Variants in KIT observed in about 807,000 individuals in gnomAD.
KIT encodes mast/stem cell growth factor receptor Kit.
A neutral mutation model predicts 105.7 loss-of-function variants in KIT; 16 were observed. That is an observed-to-expected ratio of 0.15 (90% CI 0.10 to 0.23). The LOEUF is 0.23. Ranked by LOEUF, KIT falls within the 10% of genes least tolerant of loss-of-function variation. The probability of loss-of-function intolerance (pLI) is 1.00; values close to 1 mark genes in which losing one functional copy is unlikely to be tolerated. For synonymous variants in KIT, 438 were observed against 441.1 expected (o/e 0.99, Z 0.09); for missense variants, 858 against 1,213.8 (o/e 0.71, Z 4.36).
intron 9 of KIT, among the ~76,000 whole-genome samples, chr4:54,726,897 A>G (rs565019575): frequency 1.3e-5 from 2 of 151,710 alleles, no homozygotes; most frequent in South Asian, 4.1e-4. Context: ...TCTTTTTTTT[A>G]AAGTTGTACA....
At chr4:54,702,116 A>G (rs1006329465) in intron 4 of KIT, among the ~76,000 whole-genome samples, 4 of 152,166 alleles carry the variant, frequency 2.6e-5, no homozygotes, top group Non-Finnish European at 5.9e-5. Flanking sequence ...TCAGCAGTCA[A>G]CTTTTGTGTG....
intron 20 of KIT, 126 bp downstream of exon 20, chr4:54,737,406 G>A: frequency 1.4e-6 from 1 of 738,504 alleles, no homozygotes; most frequent in South Asian, 1.5e-5. Flanking sequence ...GTTGCAAATT[G>A]GGCTTCAGGT....
intron 1 of KIT, among the ~76,000 whole-genome samples, chr4:54,685,744 G>A (rs973924035): frequency 6.6e-6 from 1 of 152,210 alleles, no homozygotes; most frequent in African/African-American, 2.4e-5. Flanking sequence ...GACTCCACTA[G>A]TTCTGTGATA....
rs1313391823 is a variant in KIT at position 54,739,270 on chromosome 4, A to G, written c.*713A>G. On this transcript the variant is annotated 3_prime_UTR_variant, in exon 21 of 21. Coordinates refer to ENST00000288135, the MANE Select transcript of KIT (RefSeq NM_000222.3). ...TGTCCGTGTTCATACATTTGAGGGG[A>G]AAACACCATAAGGTTTCGTTTCTGT... The G allele has an allele frequency of 2.9e-5, 7 of 245,440 alleles. No individual in the cohort carries two copies. The highest frequency in any genetic ancestry group is 4.4e-5 in the African/African-American group (2 of 45,716). The allele number at this position is 245,440 out of a possible 1,614,324, so 15.2% of individuals were successfully genotyped here.
chr4:54,658,096 C>G lies in KIT; in HGVS notation c.67+15C>G. Reference sequence around the variant, plus strand: ...CGTCCAGACAGGTGGGACACCGCGGCTGGCACCCCGACCGTGCGACTACTC... The same window carrying G: ...CGTCCAGACAGGTGGGACACCGCGGGTGGCACCCCGACCGTGCGACTACTC... On this transcript the variant is annotated intron_variant, in intron 1 of 20. Transcript: ENST00000288135. 11 of 1,613,302 alleles carry G rather than the reference C, an allele frequency of 6.8e-6. No homozygotes were observed. Among genetic ancestry groups the G allele is most frequent in the Non-Finnish European group, 9.3e-6 (11 of 1,179,446 alleles).
In KIT at chr4:54,727,489, C is replaced by T. The variant is rs1307097576; in HGVS notation, c.1721C>T (p.Thr574Ile). The change falls in exon 11 of 21, where the codon ACA (threonine) becomes ATA (isoleucine). Residue 574 changes from threonine to isoleucine, a missense_variant. Around this residue, in one of 7 missense-constraint regions of KIT, gnomAD observed 78 missense variants for 77.6 expected, o/e 1.01. Coordinates refer to ENST00000288135, the MANE Select transcript of KIT (RefSeq NM_000222.3). The part of the protein sequence containing the change: ...NGNNYVYIDP[T>I]QLPYDHKWEF... ...AACAATTATGTTTACATAGACCCAA[C>T]ACAACTTCCTTATGATCACAAATGG... The T allele has an allele frequency of 2.5e-6, 4 of 1,613,986 alleles. No individual in the cohort carries two copies. In the African/African-American group the frequency reaches 5.3e-5, roughly 22 times the overall value.
chr4:54,713,829 A>G (rs1416635088), intron 7 of KIT, among the ~76,000 whole-genome samples: 5 of 152,216 alleles, frequency 3.3e-5, no homozygotes, highest in Non-Finnish European at 7.3e-5. Context: ...AAACACGTAT[A>G]TAACATGTTA....
At chr4:54,699,912 T>A in intron 4 of KIT, 146 bp downstream of exon 4, 1 of 785,164 alleles carries the variant, frequency 1.3e-6, no homozygotes, top group Non-Finnish European at 2.2e-6. Flanking sequence ...ATTGCATATT[T>A]CCCCCTTTCA....
chr4:54,718,301 A>G (rs956088416), intron 7 of KIT, among the ~76,000 whole-genome samples: 1 of 152,178 alleles, frequency 6.6e-6, no homozygotes, highest in Admixed American at 6.5e-5. Flanking sequence ...GGATTTCACC[A>G]TGTTGGCCAG....
At chr4:54,712,259 G>T (rs956322013) in intron 7 of KIT, among the ~76,000 whole-genome samples, 1 of 152,106 alleles carries the variant, frequency 6.6e-6, no homozygotes, top group African/African-American at 2.4e-5. Context: ...ACAAGCTCGG[G>T]TTTTTTTATT....
chr4:54,665,206 A>T (rs143457104), intron 1 of KIT, among the ~76,000 whole-genome samples: 1 of 152,182 alleles, frequency 6.6e-6, no homozygotes, highest in Non-Finnish European at 1.5e-5. Context: ...CTATTGTAGT[A>T]TAAGTCAGAA....
intron 1 of KIT, among the ~76,000 whole-genome samples, chr4:54,663,505 C>G (rs907302849): frequency 2.0e-5 from 3 of 151,748 alleles, no homozygotes; most frequent in African/African-American, 7.3e-5. Context: ...AACGTGTAAA[C>G]AGAATATGTA....
intron 7 of KIT, among the ~76,000 whole-genome samples, chr4:54,717,908 G>A (rs977776228): frequency 2.0e-5 from 3 of 151,984 alleles, no homozygotes; most frequent in South Asian, 2.1e-4. Context: ...TCCTCCCCAC[G>A]GCTGGGTGAT....
In KIT at chr4:54,681,123, G is replaced by A. The variant is rs889732452; in HGVS notation, c.68-14389G>A. On this transcript the variant is annotated intron_variant, in intron 1 of 20. Coordinates refer to ENST00000288135, the MANE Select transcript of KIT (RefSeq NM_000222.3). Reference sequence around the variant, plus strand: ...GGAAGAAAATGTTCAAAGAAGGGACGAGCTCGCTACCCCGACCCCAAACTT... The same window carrying A: ...GGAAGAAAATGTTCAAAGAAGGGACAAGCTCGCTACCCCGACCCCAAACTT... Among the ~76,000 whole-genome samples the A allele has an allele frequency of 9.2e-5, 14 of 152,260 alleles. No individual in the cohort carries two copies. In the East Asian group the frequency reaches 1.9e-3, roughly 21 times the overall value.
chr4:54,732,180 T>C (rs1330631718), intron 16 of KIT, among the ~76,000 whole-genome samples, 182 bp downstream of exon 16: 1 of 151,906 alleles, frequency 6.6e-6, no homozygotes, highest in East Asian at 1.9e-4. Flanking sequence ...GCTGTCTCTT[T>C]GGAATTCCTG....
chr4:54,721,619 T>C (rs1721881711), intron 7 of KIT, among the ~76,000 whole-genome samples: 1 of 152,186 alleles, frequency 6.6e-6, no homozygotes, highest in African/African-American at 2.4e-5. Flanking sequence ...GGGTGTGTCA[T>C]GCATGTGGAT....
chr4:54,723,761 T>C, intron 8 of KIT, 63 bp downstream of exon 8: 2 of 987,392 alleles, frequency 2.0e-6, no homozygotes, highest in South Asian at 1.3e-5. Flanking sequence ...TTCACTTGAA[T>C]TTCAAATATG....
intron 2 of KIT, among the ~76,000 whole-genome samples, chr4:54,696,457 C>G (rs1290327665): frequency 6.6e-6 from 1 of 152,164 alleles, no homozygotes; most frequent in Non-Finnish European, 1.5e-5. Flanking sequence ...GATCCACTGG[C>G]AGCTTAAGGG....
chr4:54,726,290 T>G (rs917313721), intron 9 of KIT, among the ~76,000 whole-genome samples: 1 of 152,220 alleles, frequency 6.6e-6, no homozygotes, highest in Non-Finnish European at 1.5e-5. Flanking sequence ...CTCTATTAGT[T>G]GTATATTTAC....
Sources: allele counts gnomAD v4.1 joint callset (sites outside exome capture counted in the v4.1 genomes callset), GRCh38; gene constraint gnomAD v4.1.1; regional missense constraint gnomAD v4.1.1; transcripts MANE v1.5; gene names NCBI Gene and HGNC (gene_info 2026-07-23, HGNC 2026-07-21).